The following FANCA variants were observed in gnomAD, a reference collection of about 807,000 sequenced individuals.
FANCA encodes Fanconi anemia group A protein.
A neutral mutation model predicts 194.3 loss-of-function variants in FANCA; 236 were observed. The observed-to-expected ratio is 1.21, with a 90% CI of 1.09 to 1.35. The LOEUF (loss-of-function observed/expected upper bound fraction) is 1.35. FANCA is among the 40% of genes most tolerant of loss of function. FANCA has a pLI of 0.00. For missense variants in FANCA, 2,628 were observed against 1,813.9 expected (o/e 1.45, Z -8.15); for synonymous variants, 1,014 against 715.8 (o/e 1.42, Z -6.65).
At chr16:89,783,206 C>T (rs2039780873) in intron 15 of FANCA, 104 bp from the exon 16 acceptor site, 1 of 843,500 alleles carries the variant, frequency 1.2e-6, no homozygotes. Flanking sequence ...AGTAGAGAAA[C>T]ACAGCCCTTT....
intron 36 of FANCA, chr16:89,744,611 G>A: frequency 2.7e-6 from 1 of 365,686 alleles, no homozygotes; most frequent in Non-Finnish European, 5.3e-6. Context: ...TCCTCACTCA[G>A]ACGGGAGCCT....
At chr16:89,812,811 G>C (rs926845790) in intron 3 of FANCA, among the ~76,000 whole-genome samples, 17 of 151,612 alleles carry the variant, frequency 1.1e-4, no homozygotes, top group Admixed American at 6.6e-4. Context: ...GAGGCGGGTC[G>C]ATCACGAGGT....
intron 10 of FANCA, among the ~76,000 whole-genome samples, chr16:89,797,137 G>A (rs2040275621): frequency 6.6e-6 from 1 of 152,068 alleles, no homozygotes; most frequent in African/African-American, 2.4e-5. Flanking sequence ...TCCAGCATGG[G>A]CGACAGAGCG....
intron 37 of FANCA, among the ~76,000 whole-genome samples, chr16:89,741,381 G>A (rs1477628711): frequency 6.6e-6 from 1 of 152,220 alleles, no homozygotes; most frequent in Admixed American, 6.5e-5. Flanking sequence ...CCCCTGCAGG[G>A]TGGTTATAAT....
intron 14 of FANCA, among the ~76,000 whole-genome samples, chr16:89,787,112 T>C (rs986990527): frequency 6.6e-6 from 1 of 152,180 alleles, no homozygotes; most frequent in Non-Finnish European, 1.5e-5. Context: ...TAAAAGGCAG[T>C]TCTGTTTGCT....
At chr16:89,814,460 T>G in intron 3 of FANCA, 60 bp downstream of exon 3, 1 of 1,280,584 alleles carries the variant, frequency 7.8e-7, no homozygotes. Context: ...TAGCAAACTA[T>G]GGTTACTATA....
chr16:89,738,916 C>T lies in FANCA; in HGVS notation c.4226G>A (p.Arg1409Gln), dbSNP rs370507983. 4.2e-4 allele frequency: 680 copies of T among 1,614,234 alleles called. 10 individuals are homozygous for T. The South Asian group carries it at 7.0e-3, about 17-fold the overall frequency. ...ARLFLLQLIP[R>Q]CPKKSFSHVA... ...GTGTGAGAAGCTCTTTTTCGGGCAC[C>T]GAGGTATTAACTGCAGCAGAAAAAG... Residue 1409 changes from arginine (R) to glutamine (Q), a missense_variant, in exon 42 of 43, where the codon CGG becomes CAG. By Grantham distance (43) the Arg-to-Gln change is conservative (BLOSUM62 1). Coordinates refer to ENST00000389301, the MANE Select transcript of FANCA (RefSeq NM_000135.4).
Position 89,784,883 on chromosome 16 carries a change from C to A in FANCA, c.1441G>T (p.Val481Leu). ...AGGTACCGGGGAGACTCAAAAGGCA[C>A]GAGTTCTGACAAGAACGTAAACAGG... ...VFLFTFLSEL[V>L]PFESPRYLQV... Residue 481 changes from valine to leucine, a missense_variant, in exon 15 of 43, where the codon GTG becomes TTG. Physicochemically the swap from Val to Leu is conservative, Grantham distance 32. Coordinates refer to ENST00000389301, the MANE Select transcript of FANCA (RefSeq NM_000135.4). 1 of 1,614,100 alleles carries A rather than the reference C, an allele frequency of 6.2e-7. No individual in the cohort carries two copies.
intron 7 of FANCA, among the ~76,000 whole-genome samples, chr16:89,805,043 A>C (rs1017132814): frequency 6.6e-6 from 1 of 152,118 alleles, no homozygotes; most frequent in Non-Finnish European, 1.5e-5. Context: ...CGGTCACTCT[A>C]TGGGAAAGGT....
At chr16:89,795,754 T>C (rs561503807) in intron 11 of FANCA, 152 bp downstream of exon 11, 1 of 682,820 alleles carries the variant, frequency 1.5e-6, no homozygotes, top group South Asian at 1.5e-5. Flanking sequence ...TTAGTAACAA[T>C]CTCAGGCATC....
intron 36 of FANCA, among the ~76,000 whole-genome samples, chr16:89,744,149 C>T (rs1161016873): frequency 1.3e-5 from 2 of 152,220 alleles, no homozygotes; most frequent in Non-Finnish European, 2.9e-5. Context: ...CCTGCCTTGG[C>T]CTCCCAAAGT....
At chr16:89,785,104 G>A in intron 14 of FANCA, 140 bp from the exon 15 acceptor site, 2 of 719,216 alleles carry the variant, frequency 2.8e-6, no homozygotes, top group Non-Finnish European at 2.5e-6. Context: ...CCTGTGTGGA[G>A]AGAAGAGTGT....
At chr16:89,791,224 A>T in intron 14 of FANCA, 179 bp downstream of exon 14, 1 of 804,560 alleles carries the variant, frequency 1.2e-6, no homozygotes, top group Non-Finnish European at 2.0e-6. Context: ...TGAGGCCCCG[A>T]CAGGGAGAAC....
At chr16:89,751,795 C>G (rs55898925) in intron 31 of FANCA, among the ~76,000 whole-genome samples, 1 of 148,970 alleles carries the variant, frequency 6.7e-6, no homozygotes, top group Non-Finnish European at 1.5e-5. Context: ...GAGACGGAGT[C>G]TCACTCTGTC....
At chr16:89,784,764 C>T in intron 15 of FANCA, 90 bp downstream of exon 15, 1 of 946,260 alleles carries the variant, frequency 1.1e-6, no homozygotes. Flanking sequence ...AGCAGATCTG[C>T]AGGAGGCTCT....
chr16:89,771,582 C>A, intron 23 of FANCA, 96 bp downstream of exon 23: 1 of 1,450,918 alleles, frequency 6.9e-7, no homozygotes, highest in South Asian at 1.2e-5. Context: ...CTGAGCAAGT[C>A]AAACAGAAAT....
chr16:89,761,368 G>A (rs1396082353), intron 29 of FANCA, among the ~76,000 whole-genome samples: 1 of 148,168 alleles, frequency 6.7e-6, no homozygotes, highest in Non-Finnish European at 1.5e-5. Flanking sequence ...GCAGTGAGCC[G>A]AGATCGCGCC....
At chr16:89,751,944 G>A (rs998528925) in intron 31 of FANCA, among the ~76,000 whole-genome samples, 194 bp downstream of exon 31, 5 of 151,928 alleles carry the variant, frequency 3.3e-5, no homozygotes, top group Admixed American at 6.6e-5. Context: ...CTAAATTTTT[G>A]TATTTTTAGT....
At chr16:89,762,872 G>A (rs2038998616) in intron 28 of FANCA, 4 of 354,128 alleles carry the variant, frequency 1.1e-5, no homozygotes, top group South Asian at 6.0e-5. Flanking sequence ...GGAGGCCGAG[G>A]CAGGCAGATC....
Sources: allele counts gnomAD v4.1 joint callset (sites outside exome capture counted in the v4.1 genomes callset), GRCh38; gene constraint gnomAD v4.1.1; transcripts MANE v1.5; gene names NCBI Gene and HGNC (gene_info 2026-07-23, HGNC 2026-07-21).